Variants in FBXW7 observed in about 807,000 individuals in gnomAD.
FBXW7 encodes F-box and WD repeat domain containing 7.
Under a neutral mutation model 86.3 loss-of-function variants are expected in FBXW7, and 11 were observed. The ratio of observed to expected loss-of-function variants is 0.13; its 90% CI spans 0.08 to 0.21. FBXW7 has a LOEUF of 0.21. Ranked by LOEUF, FBXW7 falls within the 10% of genes least tolerant of loss-of-function variation. FBXW7 has a pLI of 1.00. For missense variants in FBXW7, 488 were observed against 847.4 expected, an observed-to-expected ratio of 0.58 and a Z score of 5.27; for synonymous variants, 313 against 297.9, an observed-to-expected ratio of 1.05 and a Z score of -0.52.
chr4:152,395,515 A>T (rs150254547), intron 4 of FBXW7, among the ~76,000 whole-genome samples: 196 of 152,142 alleles, frequency 1.3e-3, no homozygotes, highest in African/African-American at 4.4e-3. Flanking sequence ...TTCAAATCTC[A>T]AATTCCTTGT....
intron 2 of FBXW7, among the ~76,000 whole-genome samples, chr4:152,520,434 C>T (rs1459672362): frequency 2.2e-5 from 3 of 139,174 alleles, no homozygotes; most frequent in East Asian, 2.1e-4. Flanking sequence ...AGCGAGACTC[C>T]GTCTCAAAAA....
intron 10 of FBXW7, 189 bp from the exon 11 acceptor site, chr4:152,328,578 T>A (rs1729269763): frequency 2.3e-6 from 1 of 432,904 alleles, no homozygotes; most frequent in Non-Finnish European, 4.0e-6. Flanking sequence ...CATTATAAAT[T>A]TATATAAGCA....
At chr4:152,509,319 G>A (rs1560983067) in intron 2 of FBXW7, among the ~76,000 whole-genome samples, 1 of 151,844 alleles carries the variant, frequency 6.6e-6, no homozygotes, top group African/African-American at 2.4e-5. Context: ...TTGAATGAAG[G>A]GCATATGAGA....
chr4:152,422,844 T>C (rs1739063874), intron 2 of FBXW7, among the ~76,000 whole-genome samples: 1 of 152,216 alleles, frequency 6.6e-6, no homozygotes, highest in African/African-American at 2.4e-5. Flanking sequence ...TAAGCCTCCC[T>C]AGATAACTAT....
intron 2 of FBXW7, among the ~76,000 whole-genome samples, chr4:152,463,626 C>A (rs1484117700): frequency 1.3e-5 from 2 of 152,096 alleles, no homozygotes; most frequent in Non-Finnish European, 2.9e-5. Flanking sequence ...TTACTTAGTT[C>A]CAACCATATA....
chr4:152,507,026 A>G (rs1005769185), intron 2 of FBXW7, among the ~76,000 whole-genome samples: 7 of 152,246 alleles, frequency 4.6e-5, no homozygotes, highest in African/African-American at 1.7e-4. Flanking sequence ...TGGCTGATAA[A>G]TTACACACCA....
In FBXW7 at chr4:152,336,844, C is replaced by G. The variant is rs149988268; in HGVS notation, c.861+958G>C. Among the ~76,000 whole-genome samples, 357 of 152,058 alleles carry G rather than the reference C, an allele frequency of 2.3e-3. 1 individual carries two copies. Among genetic ancestry groups the G allele is most frequent in the African/African-American group, 8.0e-3 (333 of 41,546 alleles). On this transcript the variant is annotated intron_variant, in intron 7 of 13. Transcript: ENST00000281708. Reference sequence around the variant, plus strand: ...ATCCAACGTGCAATTCTAATTGGGACTATCTTTAACACCATTAGGATATTT... The same window carrying G: ...ATCCAACGTGCAATTCTAATTGGGAGTATCTTTAACACCATTAGGATATTT...
At position 152,410,937 on chromosome 4, in the gene FBXW7, T is replaced by G. The variant is rs1025069074; in HGVS notation, c.501+366A>C. Among the ~76,000 whole-genome samples, 9 of 152,310 alleles carry G rather than the reference T, an allele frequency of 5.9e-5. No individual in the cohort carries two copies. The East Asian group carries it at 1.7e-3, about 29-fold the overall frequency. On this transcript the variant is annotated intron_variant, in intron 4 of 13. Transcript: ENST00000281708. ...ATAGCCCACTCTAGCAGCTGCATTT[T>G]GTAAATAAAAAGTTTCTTCATTACT...
intron 2 of FBXW7, among the ~76,000 whole-genome samples, chr4:152,461,787 T>C (rs528566923): frequency 3.4e-4 from 52 of 152,362 alleles, no homozygotes; most frequent in Non-Finnish European, 6.2e-4. Flanking sequence ...TTTCATGTTG[T>C]ATGATTCTAA....
At chr4:152,370,817 T>C (rs141962357) in intron 4 of FBXW7, among the ~76,000 whole-genome samples, 2,468 of 151,362 alleles carry the variant, frequency 0.016, 37 homozygotes, top group Middle Eastern at 0.044. Context: ...ACAAAAACAG[T>C]ATTAATATTT....
chr4:152,322,907 G>C lies in FBXW7; in HGVS notation c.2098C>G (p.Leu700Val), dbSNP rs2126458339. 1 of 1,613,552 alleles carries C rather than the reference G, an allele frequency of 6.2e-7. No homozygotes were observed. Among genetic ancestry groups the C allele is most frequent in the Non-Finnish European group, 8.5e-7 (1 of 1,179,714 alleles). Residue 700 changes from leucine to valine, a missense_variant, in exon 14 of 14, where the codon CTG becomes GTG. This residue lies in a region of FBXW7 where 142 missense variants were observed against 406.6 expected (regional missense o/e 0.35). Transcript: ENST00000281708. Reference protein sequence around the residue: ...NGTEETKLLVLDFDVDMK With the variant: ...NGTEETKLLVVDFDVDMK Reference sequence around the variant, plus strand: ...CACTTCATGTCCACATCAAAGTCCAGCACCAGCAGCTTGGTTTCTTCAGTC... The same window carrying C: ...CACTTCATGTCCACATCAAAGTCCACCACCAGCAGCTTGGTTTCTTCAGTC...
chr4:152,392,241 G>A (rs974637462), intron 4 of FBXW7, among the ~76,000 whole-genome samples: 19 of 152,062 alleles, frequency 1.2e-4, no homozygotes, highest in Non-Finnish European at 2.2e-4. Context: ...CTTAATAACA[G>A]GCCAGACCTT....
At chr4:152,527,601 T>C (rs1749630598) in intron 2 of FBXW7, among the ~76,000 whole-genome samples, 1 of 152,010 alleles carries the variant, frequency 6.6e-6, no homozygotes, top group African/African-American at 2.4e-5. Flanking sequence ...AGACCCTGTC[T>C]TTACAGAATT....
At chr4:152,415,419 T>C (rs769267951) in intron 2 of FBXW7, among the ~76,000 whole-genome samples, 2 of 152,146 alleles carry the variant, frequency 1.3e-5, no homozygotes, top group Non-Finnish European at 2.9e-5. Flanking sequence ...CCAACTGTAC[T>C]GATCATCAGG....
intron 2 of FBXW7, among the ~76,000 whole-genome samples, chr4:152,438,252 G>A (rs990830129): frequency 3.3e-5 from 5 of 152,158 alleles, no homozygotes; most frequent in Non-Finnish European, 5.9e-5. Flanking sequence ...TACTTAATAG[G>A]CTACAATGCC....
At chr4:152,451,482 T>C (rs1741903009) in intron 2 of FBXW7, among the ~76,000 whole-genome samples, 1 of 152,184 alleles carries the variant, frequency 6.6e-6, no homozygotes, top group Non-Finnish European at 1.5e-5. Context: ...AGCTAATTTT[T>C]ATAGTTCCCC....
At chr4:152,452,822 T>C (rs1014791161) in intron 2 of FBXW7, among the ~76,000 whole-genome samples, 5 of 152,132 alleles carry the variant, frequency 3.3e-5, no homozygotes, top group Admixed American at 6.5e-5. Context: ...CTTGCAGTAA[T>C]AAATAAATTA....
chr4:152,506,694 A>G (rs895218649), intron 2 of FBXW7, among the ~76,000 whole-genome samples: 4 of 152,206 alleles, frequency 2.6e-5, no homozygotes, highest in African/African-American at 9.6e-5. Flanking sequence ...ACCTGAAACA[A>G]TTTAAATGAA....
intron 2 of FBXW7, among the ~76,000 whole-genome samples, chr4:152,484,637 C>A (rs1454571780): frequency 6.6e-6 from 1 of 152,130 alleles, no homozygotes; most frequent in East Asian, 1.9e-4. Context: ...TGCTCAGACA[C>A]AAATTTTCCT....
Sources: allele counts gnomAD v4.1 joint callset (sites outside exome capture counted in the v4.1 genomes callset), GRCh38; gene constraint gnomAD v4.1.1; regional missense constraint gnomAD v4.1.1; transcripts MANE v1.5; gene names NCBI Gene and HGNC (gene_info 2026-07-23, HGNC 2026-07-21).